Variants in CYTH3 observed in about 807,000 individuals in gnomAD.
The protein encoded by CYTH3 is cytohesin-3.
CYTH3 carries 23 observed loss-of-function variants against 55.1 expected under a neutral mutation model. The ratio of observed to expected loss-of-function variants is 0.42; its 90% CI spans 0.30 to 0.59. The LOEUF is 0.59. CYTH3 is among the 20% of genes least tolerant of loss of function. CYTH3 has a pLI of 0.20. For synonymous variants in CYTH3, 249 were observed against 194.9 expected (o/e 1.28, Z -2.31); for missense variants, 413 against 524.8 (o/e 0.79, Z 2.08).
At chr7:6,232,005 A>G (rs915917660) in intron 1 of CYTH3, among the ~76,000 whole-genome samples, 8 of 152,142 alleles carry the variant, frequency 5.3e-5, no homozygotes, top group African/African-American at 1.9e-4. Flanking sequence ...TTTGCATCTG[A>G]GTTTTAAACT....
intron 4 of CYTH3, among the ~76,000 whole-genome samples, chr7:6,184,522 G>A (rs1783588864): frequency 6.6e-6 from 1 of 152,160 alleles, no homozygotes; most frequent in Admixed American, 6.5e-5. Context: ...TCATAGGCAT[G>A]AAGAAAAGTT....
chr7:6,224,085 A>G (rs1407119295), intron 1 of CYTH3, among the ~76,000 whole-genome samples: 1 of 152,090 alleles, frequency 6.6e-6, no homozygotes, highest in Non-Finnish European at 1.5e-5. Flanking sequence ...GAAAAAAAGC[A>G]AATGAGAAGG....
chr7:6,218,501 A>G (rs1015197549), intron 1 of CYTH3, among the ~76,000 whole-genome samples: 3 of 152,232 alleles, frequency 2.0e-5, no homozygotes, highest in African/African-American at 7.2e-5. Context: ...GTACAAGAAT[A>G]AATGTGTGCT....
intron 1 of CYTH3, among the ~76,000 whole-genome samples, chr7:6,190,927 A>C (rs961641690): frequency 1.5e-4 from 23 of 151,672 alleles, no homozygotes; most frequent in African/African-American, 4.8e-4. Flanking sequence ...AAATACAAAA[A>C]TCAGCTGGGT....
chr7:6,234,725 A>C (rs1331526584), intron 1 of CYTH3, among the ~76,000 whole-genome samples: 1 of 152,172 alleles, frequency 6.6e-6, no homozygotes, highest in Non-Finnish European at 1.5e-5. Flanking sequence ...CAGCTCTCCC[A>C]CCGCGTGGCA....
intron 5 of CYTH3, among the ~76,000 whole-genome samples, chr7:6,174,170 A>G (rs1583740969): frequency 2.0e-5 from 3 of 152,146 alleles, no homozygotes; most frequent in African/African-American, 7.2e-5. Flanking sequence ...CTGGAATACA[A>G]TGGCGTGATC....
chr7:6,271,206 T>TAAG (rs1290667764), intron 1 of CYTH3, among the ~76,000 whole-genome samples: 1 of 152,136 alleles, frequency 6.6e-6, no homozygotes, highest in African/African-American at 2.4e-5. Context: ...GCTTCAACTA[T>TAAG]AAGAACTGAA....
intron 1 of CYTH3, among the ~76,000 whole-genome samples, chr7:6,238,656 G>A (rs1779590252): frequency 6.6e-6 from 1 of 152,122 alleles, no homozygotes. Flanking sequence ...CCTATAGAAT[G>A]TACCATAACC....
At chr7:6,264,197 AG>A (rs1447349675) in intron 1 of CYTH3, among the ~76,000 whole-genome samples, 4 of 151,908 alleles carry the variant, frequency 2.6e-5, no homozygotes, top group Non-Finnish European at 5.9e-5. Flanking sequence ...CAGTGAGCCA[AG>A]ATGGCTCCAT....
chr7:6,252,120 T>C (rs10255411), intron 1 of CYTH3, among the ~76,000 whole-genome samples: 15,753 of 152,250 alleles, frequency 0.1, 1,959 homozygotes, highest in African/African-American at 0.29. Flanking sequence ...AAATGTGGAA[T>C]GTAGTTTGAT....
At chr7:6,224,257 A>G (rs562270756) in intron 1 of CYTH3, among the ~76,000 whole-genome samples, 3 of 151,246 alleles carry the variant, frequency 2.0e-5, no homozygotes, top group Admixed American at 6.6e-5. Context: ...TATACATGGA[A>G]TATGTACACA....
At chr7:6,203,962 C>T (rs141979880) in intron 1 of CYTH3, among the ~76,000 whole-genome samples, 2,002 of 151,982 alleles carry the variant, frequency 0.013, 26 homozygotes, top group Middle Eastern at 0.061. Context: ...CGTGATCCAC[C>T]CGCCTCAGCC....
chr7:6,223,232 A>G (rs1280313396), intron 1 of CYTH3, among the ~76,000 whole-genome samples: 1 of 148,440 alleles, frequency 6.7e-6, no homozygotes, highest in Non-Finnish European at 1.5e-5. Context: ...CGGCCGCCCC[A>G]TCTGGGAACT....
chr7:6,162,788 A>C lies in CYTH3; in HGVS notation c.*2156T>G, dbSNP rs1782874837. ...GCGACTCCTTCCTGCTGCTTCTCCC[A>C]ACACCCAAAACAGAAAGCTCTGCAT... On this transcript the variant is annotated 3_prime_UTR_variant, in exon 13 of 13. Coordinates refer to ENST00000350796, the MANE Select transcript of CYTH3 (RefSeq NM_004227.4). 6.6e-6 allele frequency: 1 copy of C among 152,446 alleles called. No individual in the cohort carries two copies. Among genetic ancestry groups the C allele is most frequent in the Non-Finnish European group, 1.5e-5 (1 of 68,074 alleles). The allele number at this position is 152,446 out of a possible 1,614,324, so 9.4% of individuals were successfully genotyped here.
intron 1 of CYTH3, among the ~76,000 whole-genome samples, chr7:6,225,280 T>C (rs1425070246): frequency 6.6e-6 from 1 of 152,150 alleles, no homozygotes; most frequent in African/African-American, 2.4e-5. Context: ...TGCATAGAAA[T>C]TGTTCTGGAT....
intron 4 of CYTH3, among the ~76,000 whole-genome samples, chr7:6,180,340 C>T (rs1441163993): frequency 1.3e-5 from 2 of 152,216 alleles, no homozygotes; most frequent in Admixed American, 1.3e-4. Flanking sequence ...TGCTATCTGG[C>T]AGGTGACAAA....
intron 1 of CYTH3, among the ~76,000 whole-genome samples, chr7:6,214,838 G>A (rs555063984): frequency 1.3e-5 from 2 of 151,254 alleles, no homozygotes; most frequent in African/African-American, 2.4e-5. Flanking sequence ...GCGAATATTC[G>A]CTCTGTGAAA....
At chr7:6,239,905 C>T (rs1028609782) in intron 1 of CYTH3, among the ~76,000 whole-genome samples, 4 of 152,192 alleles carry the variant, frequency 2.6e-5, no homozygotes, top group African/African-American at 7.2e-5. Context: ...AAGAAAACTG[C>T]AATGTCATAA....
At chr7:6,199,188 T>C (rs1462463021) in intron 1 of CYTH3, among the ~76,000 whole-genome samples, 1 of 152,238 alleles carries the variant, frequency 6.6e-6, no homozygotes, top group Admixed American at 6.5e-5. Context: ...TCTCAGGCAC[T>C]AGCCTTCCAC....
Sources: gnomAD v4.1 joint callset for allele counts (sites outside exome capture counted in the v4.1 genomes callset) on GRCh38, gnomAD v4.1.1 for gene constraint, MANE v1.5 for transcripts, NCBI Gene and HGNC (gene_info 2026-07-23, HGNC 2026-07-21) for gene names.